The following SYT1 variants were observed in gnomAD, a reference collection of about 807,000 sequenced individuals.
SYT1 encodes synaptotagmin-1.
A neutral mutation model predicts 44.8 loss-of-function variants in SYT1; 8 were observed. The ratio of observed to expected loss-of-function variants is 0.18; its 90% CI spans 0.10 to 0.32. The LOEUF is 0.32. Among genes scored for constraint, SYT1 ranks in the 10% least tolerant of loss-of-function variants. SYT1 has a pLI of 1.00. For missense variants in SYT1, 286 were observed against 509.3 expected (o/e 0.56, Z 4.22); for synonymous variants, 154 against 188.8 (o/e 0.82, Z 1.51).
At chr12:78,876,914 T>C (rs1430756466) in intron 1 of SYT1, among the ~76,000 whole-genome samples, 2 of 106,272 alleles carry the variant, frequency 1.9e-5, no homozygotes, top group Non-Finnish European at 3.8e-5. Context: ...TTATATGTAT[T>C]ATATATAATA....
At chr12:79,032,591 C>A (rs892351587) in intron 2 of SYT1, among the ~76,000 whole-genome samples, 1 of 151,236 alleles carries the variant, frequency 6.6e-6, no homozygotes, top group African/African-American at 2.4e-5. Context: ...AGTCTTAATA[C>A]AGTTAGCATT....
At chr12:78,880,663 A>G (rs1874404624) in intron 1 of SYT1, among the ~76,000 whole-genome samples, 1 of 151,664 alleles carries the variant, frequency 6.6e-6, no homozygotes. Flanking sequence ...TGAAAAAAAT[A>G]TTAATTTACC....
chr12:78,990,245 C>T (rs372255769), intron 2 of SYT1, among the ~76,000 whole-genome samples: 9 of 152,132 alleles, frequency 5.9e-5, no homozygotes, highest in East Asian at 1.9e-4. Context: ...TGAGACTCTC[C>T]GATATACCAA....
rs139817948 is a variant in SYT1, at chr12:79,333,600, A to G, written c.811-19902A>G. On this transcript the variant is annotated intron_variant, in intron 8 of 10. Coordinates refer to ENST00000261205, the MANE Select transcript of SYT1 (RefSeq NM_005639.3). ...CTAAAGAGGGTTTTTTTGCATCTTTACAAGATTCAGCCACTCAATGTCTTT... is the reference window on the plus strand; with the variant it reads ...CTAAAGAGGGTTTTTTTGCATCTTTGCAAGATTCAGCCACTCAATGTCTTT... Among the ~76,000 whole-genome samples, 127 of 152,262 alleles carry G rather than the reference A, an allele frequency of 8.3e-4. 1 individual carries two copies. The highest frequency in any genetic ancestry group is 2.9e-3 in the African/African-American group (122 of 41,546).
intron 9 of SYT1, among the ~76,000 whole-genome samples, chr12:79,373,172 A>G (rs1883860982): frequency 1.3e-5 from 2 of 152,186 alleles, no homozygotes; most frequent in Non-Finnish European, 2.9e-5. Context: ...TAAAAATGAA[A>G]ATGATTGGGG....
At chr12:79,307,923 G>A (rs1421987134) in intron 8 of SYT1, among the ~76,000 whole-genome samples, 1 of 152,224 alleles carries the variant, frequency 6.6e-6, no homozygotes, top group African/African-American at 2.4e-5. Flanking sequence ...TGCCTGTTGG[G>A]GATGACAGCT....
At chr12:79,053,458 G>C (rs965695342) in intron 3 of SYT1, among the ~76,000 whole-genome samples, 5 of 151,670 alleles carry the variant, frequency 3.3e-5, no homozygotes, top group East Asian at 1.9e-4. Context: ...GTATACATAT[G>C]TAACAAACCT....
rs551815129 is a variant in SYT1, at chr12:79,225,241, A to C, written c.166+7556A>C. ...GAATTATTCTATAAGGACACTGAAA[A>C]ACTAAATGAAGCATACAAGGAATCA... On this transcript the variant is annotated intron_variant, in intron 4 of 10. Transcript: ENST00000261205. Among the ~76,000 whole-genome samples, 12 of 152,292 alleles carry C rather than the reference A, an allele frequency of 7.9e-5. No homozygotes were observed. In the South Asian group the frequency reaches 2.3e-3, roughly 29 times the overall value.
At chr12:79,317,037 T>C (rs1163840573) in intron 8 of SYT1, among the ~76,000 whole-genome samples, 2 of 152,196 alleles carry the variant, frequency 1.3e-5, no homozygotes, top group African/African-American at 4.8e-5. Flanking sequence ...CAAGCATAGG[T>C]CTGTCCAATG....
intron 3 of SYT1, among the ~76,000 whole-genome samples, chr12:79,185,794 A>G (rs1056508906): frequency 6.6e-6 from 1 of 152,034 alleles, no homozygotes; most frequent in Non-Finnish European, 1.5e-5. Flanking sequence ...AAAGTTAACT[A>G]TACAGGCTTT....
chr12:78,918,793 T>G (rs2137154301), intron 1 of SYT1, among the ~76,000 whole-genome samples: 1 of 152,214 alleles, frequency 6.6e-6, no homozygotes, highest in South Asian at 2.1e-4. Context: ...CTGATTATAG[T>G]ACATCCATAC....
At chr12:79,073,540 G>A (rs1876431363) in intron 3 of SYT1, among the ~76,000 whole-genome samples, 1 of 152,132 alleles carries the variant, frequency 6.6e-6, no homozygotes, top group Admixed American at 6.6e-5. Flanking sequence ...GCAGATACTT[G>A]AAGAAAGTGA....
chr12:79,233,912 T>C (rs574517152), intron 4 of SYT1, among the ~76,000 whole-genome samples: 3 of 152,176 alleles, frequency 2.0e-5, no homozygotes, highest in African/African-American at 4.8e-5. Flanking sequence ...TTATCTTCCA[T>C]TGGAGATTGA....
At chr12:79,037,733 A>T (rs1162238040) in intron 2 of SYT1, among the ~76,000 whole-genome samples, 2 of 151,878 alleles carry the variant, frequency 1.3e-5, no homozygotes. Flanking sequence ...TGTTCCTACC[A>T]GCAACCCCAC....
chr12:79,200,343 G>C (rs1179562146), intron 3 of SYT1, among the ~76,000 whole-genome samples: 2 of 152,072 alleles, frequency 1.3e-5, no homozygotes, highest in Non-Finnish European at 2.9e-5. Context: ...TCTGCTTGGA[G>C]GGTAATTACA....
Position 79,052,280 on chromosome 12 carries a change from T to A in SYT1, c.-18+4918T>A, listed in dbSNP as rs185807746. ...GTTGGATTCCCTATTTAATAAATGGTGCTGGGAAAACTGGCTAGCCATATG... is the reference window on the plus strand; with the variant it reads ...GTTGGATTCCCTATTTAATAAATGGAGCTGGGAAAACTGGCTAGCCATATG... On this transcript the variant is annotated intron_variant, in intron 3 of 10. Coordinates refer to ENST00000261205, the MANE Select transcript of SYT1 (RefSeq NM_005639.3). Among the ~76,000 whole-genome samples the A allele has an allele frequency of 9.3e-4, 141 of 152,228 alleles. 1 individual carries two copies. The highest frequency in any genetic ancestry group is 1.4e-3 in the Admixed American group (22 of 15,268).
intron 8 of SYT1, among the ~76,000 whole-genome samples, chr12:79,334,579 G>A (rs1158239958): frequency 6.6e-6 from 1 of 152,136 alleles, no homozygotes; most frequent in East Asian, 1.9e-4. Context: ...AGGCTTGGAG[G>A]CACAAGAACA....
At chr12:79,431,248 A>G (rs911462808) in intron 9 of SYT1, among the ~76,000 whole-genome samples, 22 of 152,232 alleles carry the variant, frequency 1.4e-4, no homozygotes. Context: ...AATTTTCTAT[A>G]TAAGAAATTT....
At chr12:79,001,248 G>T in intron 2 of SYT1, among the ~76,000 whole-genome samples, 3 of 147,222 alleles carry the variant, frequency 2.0e-5, no homozygotes, top group Non-Finnish European at 3.0e-5. Flanking sequence ...ACATTATGAA[G>T]TTCATTTCTT....
Sources: gnomAD v4.1 joint callset for allele counts (sites outside exome capture counted in the v4.1 genomes callset) on GRCh38, gnomAD v4.1.1 for gene constraint, MANE v1.5 for transcripts, NCBI Gene and HGNC (gene_info 2026-07-23, HGNC 2026-07-21) for gene names.